AKAP13: variants seen among roughly 807,000 people sequenced by gnomAD.
AKAP13 encodes the protein A-kinase anchor protein 13.
In AKAP13, 80 loss-of-function variants were observed where a neutral mutation model predicts 264.5. The observed-to-expected ratio is 0.30, with a 90% confidence interval of 0.25 to 0.36. The LOEUF is 0.36. Among genes scored for constraint, AKAP13 ranks in the 10% least tolerant of loss-of-function variants. The pLI is 1.00. For missense variants in AKAP13, 3,712 were observed against 3,435.2 expected, an observed-to-expected ratio of 1.08 and a Z score of -2.01; for synonymous variants, 1,380 against 1,250.2, an observed-to-expected ratio of 1.10 and a Z score of -2.19.
intron 1 of AKAP13, among the ~76,000 whole-genome samples, chr15:85,466,433 C>A (rs572307178): frequency 5.8e-4 from 88 of 152,218 alleles, no homozygotes; most frequent in African/African-American, 2.1e-3. Flanking sequence ...TTGCCCATGC[C>A]TATGTCCTGA....
chr15:85,740,880 A>C (rs1359193794), intron 34 of AKAP13, among the ~76,000 whole-genome samples, 166 bp from the exon 35 acceptor site: 2 of 151,018 alleles, frequency 1.3e-5, no homozygotes, highest in Non-Finnish European at 2.9e-5. Context: ...TATGATAAAC[A>C]GCTGCAATTA....
In AKAP13 at chr15:85,625,128, T is replaced by C. The variant is rs1387632151; in HGVS notation, c.4162-14246T>C. On this transcript the variant is annotated intron_variant, in intron 8 of 36. Transcript: ENST00000394518. ...TTTGGTGACTTGTCTCTCTAAAAGATGTAGATGTTTAATGGTAAAATCTCT... is the reference window on the plus strand; with the variant it reads ...TTTGGTGACTTGTCTCTCTAAAAGACGTAGATGTTTAATGGTAAAATCTCT... 2.0e-5 allele frequency among the ~76,000 whole-genome samples: 3 copies of C among 152,364 alleles called. No individual in the cohort carries two copies. In the East Asian group the frequency reaches 5.8e-4, roughly 29 times the overall value.
intron 10 of AKAP13, among the ~76,000 whole-genome samples, chr15:85,651,793 A>G (rs183202898): frequency 6.6e-6 from 1 of 152,180 alleles, no homozygotes; most frequent in African/African-American, 2.4e-5. Context: ...CCCACCGCAG[A>G]TTAGTTTTCT....
At chr15:85,461,365 C>T (rs926883693) in intron 1 of AKAP13, among the ~76,000 whole-genome samples, 1 of 152,210 alleles carries the variant, frequency 6.6e-6, no homozygotes, top group Non-Finnish European at 1.5e-5. Flanking sequence ...ATCTGCCCGC[C>T]TCGGCCTCCC....
At chr15:85,526,029 T>C (rs773714006) in intron 3 of AKAP13, among the ~76,000 whole-genome samples, 6 of 152,218 alleles carry the variant, frequency 3.9e-5, no homozygotes, top group Non-Finnish European at 7.3e-5. Flanking sequence ...AGTTCTTGTT[T>C]GAAGAACTAC....
At chr15:85,687,102 A>G (rs2151621492) in intron 16 of AKAP13, among the ~76,000 whole-genome samples, 1 of 152,152 alleles carries the variant, frequency 6.6e-6, no homozygotes, top group East Asian at 1.9e-4. Flanking sequence ...AGGAAAAAAA[A>G]CAACGTAAGA....
rs1441127893 is a variant in AKAP13, at chr15:85,718,209, A to G, written c.6001+50A>G. 1 of 1,590,376 alleles carries G rather than the reference A, an allele frequency of 6.3e-7. No individual in the cohort carries two copies. The highest frequency in any genetic ancestry group is 2.2e-5 in the East Asian group (1 of 44,468). The stretch of plus-strand genomic sequence containing the variant: ...TTATATTTGATTTCCATTGTCCAGC[A>G]TTTTTAAGCAGTAATTTGTTGGACT... On this transcript the variant is annotated intron_variant, in intron 22 of 36. Transcript: ENST00000394518. This position sits in a 1 kb window ranked among gnomAD's most constrained non-coding sequence, Gnocchi z 4.9.
chr15:85,646,005 A>C (rs111595468), intron 10 of AKAP13, 51 bp downstream of exon 10: 1 of 1,586,214 alleles, frequency 6.3e-7, no homozygotes, highest in Non-Finnish European at 8.5e-7. Context: ...TTGTGTTCCT[A>C]TTTGGGCTTC....
intron 1 of AKAP13, among the ~76,000 whole-genome samples, chr15:85,430,543 G>C (rs534963986): frequency 1.3e-5 from 2 of 152,282 alleles, no homozygotes; most frequent in South Asian, 4.1e-4. Context: ...AAGGCTATAT[G>C]TTGTACTTCA....
chr15:85,664,665 C>T lies in AKAP13; in HGVS notation c.4902C>T (p.Phe1634=), dbSNP rs1216345280. ...SANAEELRHP[F]SGEERVDSLV... is the part of the protein sequence containing the mutation. ...ATGCCGAAGAGCTCAGACACCCATTCAGTGGTGAGGAACGGGTTGACTCTT... is the reference window on the plus strand; with the variant it reads ...ATGCCGAAGAGCTCAGACACCCATTTAGTGGTGAGGAACGGGTTGACTCTT... The change falls in exon 13 of 37, where the codon TTC becomes TTT. Residue 1634 remains phenylalanine (F), a synonymous_variant. Transcript: ENST00000394518. The T allele has an allele frequency of 1.2e-6, 2 of 1,614,030 alleles. No individual in the cohort carries two copies. Among genetic ancestry groups the T allele is most frequent in the Non-Finnish European group, 1.7e-6 (2 of 1,180,006 alleles).
chr15:85,614,904 T>A (rs1280160119), intron 8 of AKAP13, among the ~76,000 whole-genome samples: 1 of 152,228 alleles, frequency 6.6e-6, no homozygotes, highest in African/African-American at 2.4e-5. Context: ...CAGTAAATGT[T>A]GTGGTTAATA....
At chr15:85,404,721 G>C (rs2071586557) in intron 1 of AKAP13, among the ~76,000 whole-genome samples, 1 of 152,180 alleles carries the variant, frequency 6.6e-6, no homozygotes, top group Non-Finnish European at 1.5e-5. Flanking sequence ...TACTGGGCTA[G>C]TGTCACACCT....
intron 8 of AKAP13, among the ~76,000 whole-genome samples, chr15:85,635,837 T>C (rs1182682241): frequency 6.6e-6 from 1 of 152,214 alleles, no homozygotes; most frequent in Non-Finnish European, 1.5e-5. Flanking sequence ...TATTTGTTCC[T>C]CATTAAAATA....
chr15:85,656,960 A>G (rs34844498), intron 11 of AKAP13, among the ~76,000 whole-genome samples: 14,506 of 152,116 alleles, frequency 0.095, 828 homozygotes, highest in East Asian at 0.21. Context: ...AGACCAGCCT[A>G]TGCAACATAG....
intron 17 of AKAP13, among the ~76,000 whole-genome samples, chr15:85,707,382 T>C (rs2151687538): frequency 6.6e-6 from 1 of 152,326 alleles, no homozygotes; most frequent in Admixed American, 6.5e-5. Context: ...AGTCTCCATT[T>C]TCTCTTAAGT....
chr15:85,399,865 C>T (rs1250364700), intron 1 of AKAP13, among the ~76,000 whole-genome samples: 1 of 152,210 alleles, frequency 6.6e-6, no homozygotes, highest in African/African-American at 2.4e-5. Context: ...GTAAGGTCCT[C>T]TTCTACACAA....
chr15:85,472,590 C>G (rs954546837), intron 1 of AKAP13, among the ~76,000 whole-genome samples: 1 of 152,190 alleles, frequency 6.6e-6, no homozygotes, highest in African/African-American at 2.4e-5. Context: ...TCAAGCAATC[C>G]TCTCCCCTTA....
At chr15:85,434,817 C>G (rs2150935699) in intron 1 of AKAP13, among the ~76,000 whole-genome samples, 1 of 149,698 alleles carries the variant, frequency 6.7e-6, no homozygotes, top group East Asian at 2.0e-4. Context: ...GAAAACCCAT[C>G]TGTACATCAC....
At chr15:85,679,367 T>C (rs2084454080) in intron 14 of AKAP13, among the ~76,000 whole-genome samples, 1 of 152,210 alleles carries the variant, frequency 6.6e-6, no homozygotes. Context: ...AGAAACTTTT[T>C]GAATCAAGTA....
Sources: allele counts gnomAD v4.1 joint callset (sites outside exome capture counted in the v4.1 genomes callset), GRCh38; gene constraint gnomAD v4.1.1; non-coding constraint Gnocchi (gnomAD v3.1); transcripts MANE v1.5; gene names NCBI Gene and HGNC (gene_info 2026-07-23, HGNC 2026-07-21).